LMNA: variants seen among roughly 807,000 people sequenced by gnomAD.
LMNA encodes lamin A/C.
In LMNA, 20 loss-of-function variants were observed where a neutral mutation model predicts 70.4. The ratio of observed to expected loss-of-function variants is 0.28; its 90% CI spans 0.20 to 0.41. The LOEUF (loss-of-function observed/expected upper bound fraction) is 0.41. LMNA is among the 10% of genes least tolerant of loss of function. LMNA has a pLI of 1.00. For synonymous variants in LMNA, 339 were observed against 372.8 expected, an observed-to-expected ratio of 0.91 and a Z score of 1.04; for missense variants, 652 against 917.2, an observed-to-expected ratio of 0.71 and a Z score of 3.73.
intron 1 of LMNA, 88 bp from the exon 2 acceptor site, chr1:156,130,529 A>G (rs1229409974): frequency 7.1e-7 from 1 of 1,401,188 alleles, no homozygotes; most frequent in East Asian, 2.3e-5. Flanking sequence ...TAGCAGCGCC[A>G]GCCCCCATGG....
At chr1:156,109,452 C>G (rs1485309762), upstream of LMNA, 1 of 152,584 alleles carries the variant, frequency 6.6e-6, no homozygotes, top group Non-Finnish European at 1.5e-5. Context: ...CCAGCCTTAC[C>G]TCTAGTGGCT....
intron 3 of LMNA, among the ~76,000 whole-genome samples, chr1:156,108,586 G>A (rs746150418): frequency 1.3e-5 from 2 of 152,032 alleles, no homozygotes; most frequent in Non-Finnish European, 2.9e-5. Context: ...GTGAAATCCC[G>A]TCTCTACTAA....
At chr1:156,092,052 G>T (rs573777619) in intron 3 of LMNA, among the ~76,000 whole-genome samples, 30 of 151,928 alleles carry the variant, frequency 2.0e-4, no homozygotes, top group Non-Finnish European at 3.5e-4. Flanking sequence ...CTAGTAGCTG[G>T]GATTACAGGT....
intron 1 of LMNA, chr1:156,082,911 C>G (rs750609202): frequency 1.3e-5 from 2 of 152,126 alleles, no homozygotes; most frequent in African/African-American, 4.8e-5. Context: ...CGCTCCCTGC[C>G]GCGCTCACTC....
chr1:156,105,578 G>A (rs1276569485), intron 3 of LMNA, among the ~76,000 whole-genome samples: 1 of 152,202 alleles, frequency 6.6e-6, no homozygotes, highest in African/African-American at 2.4e-5. Flanking sequence ...ACCTTGAGGA[G>A]TGTGAGGGCT....
At chr1:156,108,301 C>T (rs1649422237) in intron 3 of LMNA, among the ~76,000 whole-genome samples, 2 of 151,988 alleles carry the variant, frequency 1.3e-5, no homozygotes, top group Admixed American at 1.3e-4. Flanking sequence ...ATGAATAAGA[C>T]CCTCCCTCAA....
chr1:156,129,957 G>T lies in LMNA; in HGVS notation c.357-660G>T, dbSNP rs767467521. On this transcript the variant is annotated intron_variant, in intron 1 of 11. Transcript: ENST00000368300. ...GCACGGATGAGGCAGGAGGGAGGGA[G>T]GCAGGGACCCCTCTGTTCAGTGCAG... 11 of 730,296 alleles carry T rather than the reference G, an allele frequency of 1.5e-5. 1 individual carries two copies. In the South Asian group the frequency reaches 1.6e-4, roughly 11 times the overall value. 45.2% of individuals were successfully genotyped at this position (730,296 alleles called of 1,614,324 possible). A position where few individuals can be genotyped will look rare whatever the true frequency, so the allele number is the denominator to read the frequency against.
intron 3 of LMNA, chr1:156,090,866 A>G (rs28653480): frequency 0.3 from 45,797 of 152,096 alleles, 9,137 homozygotes; most frequent in East Asian, 0.72. Flanking sequence ...AAAGAAACAC[A>G]TCTTTAAACA....
intron 1 of LMNA, among the ~76,000 whole-genome samples, chr1:156,127,677 C>A (rs1487566834): frequency 7.0e-6 from 1 of 143,464 alleles, no homozygotes; most frequent in Non-Finnish European, 1.5e-5. Flanking sequence ...CACCACCGTA[C>A]CCAGCTAAAT....
chr1:156,124,126 G>A (rs1207637002), intron 1 of LMNA, among the ~76,000 whole-genome samples: 1 of 152,206 alleles, frequency 6.6e-6, no homozygotes. Flanking sequence ...AGCCATGCCT[G>A]CTGTGGGTGC....
intron 2 of LMNA, among the ~76,000 whole-genome samples, chr1:156,131,646 C>T (rs571647741): frequency 9.4e-4 from 143 of 152,250 alleles, no homozygotes; most frequent in Non-Finnish European, 1.6e-3. Flanking sequence ...CTTAACTTTG[C>T]AATGAACTGT....
chr1:156,113,144 T>TA (rs947094688), upstream of LMNA, among the ~76,000 whole-genome samples: 4 of 147,740 alleles, frequency 2.7e-5, no homozygotes, highest in African/African-American at 7.5e-5. Flanking sequence ...AAAATAAAAA[T>TA]AAAAAAAAAA....
At position 156,115,857 on chromosome 1, in the gene LMNA, C is replaced by T. The variant is rs537878798; in HGVS notation, c.356+583C>T. 2.0e-5 allele frequency among the ~76,000 whole-genome samples: 3 copies of T among 152,226 alleles called. No individual in the cohort carries two copies. Among genetic ancestry groups the T allele is most frequent in the Non-Finnish European group, 4.4e-5 (3 of 68,044 alleles). ...CTCCCAAGGGCTTGGCGGTGGCCCC[C>T]CCTCAGCATGACCTTGTCCTGGGTT... On this transcript the variant is annotated intron_variant, in intron 1 of 11. Coordinates refer to ENST00000368300, the MANE Select transcript of LMNA (RefSeq NM_170707.4). The surrounding 1 kb of genome is among the most constrained non-coding windows in gnomAD (Gnocchi z 5.8).
At chr1:156,093,299 ATTTTTTTTTTT>A (rs758670532) in intron 3 of LMNA, among the ~76,000 whole-genome samples, 193 of 113,954 alleles carry the variant, frequency 1.7e-3, no homozygotes, top group African/African-American at 6.9e-3. Flanking sequence ...TTATATGTCA[ATTTTTTTTTTT>A]TTTTTTTTTT....
At chr1:156,126,993 C>T in intron 1 of LMNA, 2 of 1,391,814 alleles carry the variant, frequency 1.4e-6, no homozygotes, top group South Asian at 1.4e-5. Flanking sequence ...GCCCAGGTTC[C>T]CACCCTTCCC....
intron 2 of LMNA, among the ~76,000 whole-genome samples, chr1:156,089,947 T>A (rs1648632073): frequency 2.0e-5 from 3 of 151,852 alleles, no homozygotes; most frequent in Non-Finnish European, 4.4e-5. Context: ...CTGTGACAGT[T>A]GGTCCCCAGA....
intron 3 of LMNA, among the ~76,000 whole-genome samples, chr1:156,100,414 G>A (rs1649103076): frequency 6.6e-6 from 1 of 152,124 alleles, no homozygotes; most frequent in African/African-American, 2.4e-5. Flanking sequence ...AGGTCATAGG[G>A]CCAACCCCCT....
rs1363694601 is a variant in LMNA at position 156,138,687 on chromosome 1, G to A, written c.1898G>A (p.Gly633Glu). 2 of 1,613,700 alleles carry A rather than the reference G, an allele frequency of 1.2e-6. No homozygotes were observed. The highest frequency in any genetic ancestry group is 1.6e-4 in the Middle Eastern group (1 of 6,062). ...AGCTACCGCAGTGTGGGGGGCAGTG[G>A]GGGTGGCAGCTTCGGGGACAATCTG... ...TRSYRSVGGS[G>E]GGSFGDNLVT... The change falls in exon 11 of 12, where the codon GGG becomes GAG. Residue 633 changes from glycine (G) to glutamate (E), a missense_variant. Physicochemically the swap from Gly to Glu is moderately conservative, Grantham distance 98. Around this residue, in one of 4 missense-constraint regions of LMNA, gnomAD observed 327 missense variants for 387.6 expected, o/e 0.84. Coordinates refer to ENST00000368300, the MANE Select transcript of LMNA (RefSeq NM_170707.4). This position sits in a 1 kb window ranked among gnomAD's most constrained non-coding sequence, Gnocchi z 5.5.
intron 3 of LMNA, among the ~76,000 whole-genome samples, chr1:156,092,105 A>G (rs1259894898): frequency 6.6e-6 from 1 of 151,808 alleles, no homozygotes; most frequent in Non-Finnish European, 1.5e-5. Context: ...TTTAGTAGAG[A>G]TGGGGTTTCG....
Sources: allele counts gnomAD v4.1 joint callset (sites outside exome capture counted in the v4.1 genomes callset), GRCh38; gene constraint gnomAD v4.1.1; regional missense constraint gnomAD v4.1.1; non-coding constraint Gnocchi (gnomAD v3.1); transcripts MANE v1.5; gene names NCBI Gene and HGNC (gene_info 2026-07-23, HGNC 2026-07-21).